NSUN7: variants seen among roughly 807,000 people sequenced by gnomAD.
NSUN7 encodes the protein NOP2/Sun RNA methyltransferase family member 7, also known as protein NSUN7.
In NSUN7, 39 loss-of-function variants were observed where a neutral mutation model predicts 58.5. The observed-to-expected ratio is 0.67, with a 90% CI of 0.52 to 0.87. NSUN7 has a LOEUF of 0.87. Ranked by LOEUF, NSUN7 falls within the 40% of genes least tolerant of loss-of-function variation. The pLI, the probability that NSUN7 is intolerant of heterozygous loss-of-function variation, is 0.00. For synonymous variants in NSUN7, 278 were observed against 303.7 expected, an observed-to-expected ratio of 0.92 and a Z score of 0.88; for missense variants, 765 against 844.1, an observed-to-expected ratio of 0.91 and a Z score of 1.16.
In NSUN7 at chr4:40,772,586, A is replaced by G. The variant is rs554643746; in HGVS notation, c.489-1679A>G. Reference sequence around the variant, plus strand: ...TACACATAATATTCCCACATAAACAATTTTTTTGGGTGAGATGTTCTCATT... The same window carrying G: ...TACACATAATATTCCCACATAAACAGTTTTTTTGGGTGAGATGTTCTCATT... On this transcript the variant is annotated intron_variant, in intron 4 of 11. Coordinates refer to ENST00000381782, the MANE Select transcript of NSUN7 (RefSeq NM_024677.6). Among the ~76,000 whole-genome samples the G allele has an allele frequency of 5.3e-5, 8 of 152,136 alleles. No homozygotes were observed. The South Asian group carries it at 1.2e-3, about 24-fold the overall frequency.
At chr4:40,768,644 C>T (rs1741850890) in intron 4 of NSUN7, among the ~76,000 whole-genome samples, 1 of 152,172 alleles carries the variant, frequency 6.6e-6, no homozygotes, top group African/African-American at 2.4e-5. Flanking sequence ...TAAGCACCAA[C>T]ATGTATCTTT....
Position 40,809,297 on chromosome 4 carries a change from T to G in NSUN7, c.*358T>G. 5.6e-6 allele frequency: 1 copy of G among 178,208 alleles called. No individual in the cohort carries two copies. Among genetic ancestry groups the G allele is most frequent in the Non-Finnish European group, 1.2e-5 (1 of 85,668 alleles). The allele number at this position is 178,208 out of a possible 1,614,324, so 11.0% of individuals were successfully genotyped here. On this transcript the variant is annotated 3_prime_UTR_variant, in exon 12 of 12. Coordinates refer to ENST00000381782, the MANE Select transcript of NSUN7 (RefSeq NM_024677.6). ...TGCCTCCCTTCAGCAGGTAGCTCAT[T>G]AGAAAGCCAAACAGGCAAACGATCC...
At chr4:40,777,893 C>T (rs1488672738) in intron 7 of NSUN7, among the ~76,000 whole-genome samples, 2 of 152,080 alleles carry the variant, frequency 1.3e-5, no homozygotes, top group Non-Finnish European at 2.9e-5. Context: ...TGCCACTGCA[C>T]CTGACTAAAA....
chr4:40,757,043 A>G (rs1265262838), intron 2 of NSUN7, among the ~76,000 whole-genome samples: 1 of 152,208 alleles, frequency 6.6e-6, no homozygotes, highest in African/African-American at 2.4e-5. Context: ...AGCCTGGCTA[A>G]TATGGTGAAA....
intron 10 of NSUN7, among the ~76,000 whole-genome samples, chr4:40,806,169 A>T (rs1217656065): frequency 1.3e-5 from 2 of 151,982 alleles, no homozygotes; most frequent in Non-Finnish European, 2.9e-5. Context: ...TAATTTTTGC[A>T]TTTTTAGCAG....
intron 2 of NSUN7, among the ~76,000 whole-genome samples, chr4:40,756,603 G>C (rs1741156223): frequency 6.6e-6 from 1 of 152,218 alleles, no homozygotes; most frequent in African/African-American, 2.4e-5. Flanking sequence ...TTTGGTGCCA[G>C]ACTGCCTGGG....
chr4:40,757,749 CAT>C (rs1433652874), intron 2 of NSUN7, among the ~76,000 whole-genome samples: 7 of 142,838 alleles, frequency 4.9e-5, no homozygotes, highest in South Asian at 2.2e-4. Context: ...CACACACACA[CAT>C]ACATACACAA....
At chr4:40,752,546 G>T (rs1740886345) in intron 2 of NSUN7, among the ~76,000 whole-genome samples, 1 of 152,096 alleles carries the variant, frequency 6.6e-6, no homozygotes. Flanking sequence ...TCAGCCTCCT[G>T]AGTAGCTGGG....
chr4:40,796,608 C>T (rs2154288952), intron 9 of NSUN7, among the ~76,000 whole-genome samples: 1 of 152,186 alleles, frequency 6.6e-6, no homozygotes, highest in East Asian at 1.9e-4. Flanking sequence ...CCAGCCTAGG[C>T]AACAGAGCAA....
At chr4:40,794,951 C>A (rs572754015) in intron 9 of NSUN7, among the ~76,000 whole-genome samples, 1 of 152,156 alleles carries the variant, frequency 6.6e-6, no homozygotes, top group African/African-American at 2.4e-5. Flanking sequence ...AGTAACAAGG[C>A]GGCACTTTGA....
At chr4:40,756,251 A>G (rs1741139415) in intron 2 of NSUN7, among the ~76,000 whole-genome samples, 1 of 152,178 alleles carries the variant, frequency 6.6e-6, no homozygotes, top group Non-Finnish European at 1.5e-5. Context: ...CCTTCTTCCA[A>G]TTTCACCTGT....
In NSUN7 at chr4:40,763,169, G is replaced by A. The variant is rs553225081; in HGVS notation, c.488+1868G>A. Among the ~76,000 whole-genome samples the A allele has an allele frequency of 2.0e-5, 3 of 152,306 alleles. No individual in the cohort carries two copies. The East Asian group carries it at 5.8e-4, about 29-fold the overall frequency. ...GCTAGCATTCCTTCCACTTAGCATA[G>A]TGAGGCTTGGCTGAGGTACTCTGGA... On this transcript the variant is annotated intron_variant, in intron 4 of 11. Coordinates refer to ENST00000381782, the MANE Select transcript of NSUN7 (RefSeq NM_024677.6).
At chr4:40,761,132 G>A (rs1176182125) in intron 3 of NSUN7, 39 bp from the exon 4 acceptor site, 2 of 1,488,178 alleles carry the variant, frequency 1.3e-6, no homozygotes, top group Middle Eastern at 1.9e-4. Flanking sequence ...GTTAGATATT[G>A]TTTGTATACT....
intron 7 of NSUN7, among the ~76,000 whole-genome samples, chr4:40,782,684 C>G (rs1412313072): frequency 6.6e-6 from 1 of 151,788 alleles, no homozygotes; most frequent in African/African-American, 2.4e-5. Context: ...AATCTGGCAA[C>G]GTAGCAAGAT....
chr4:40,803,083 A>T (rs991408906), intron 10 of NSUN7, among the ~76,000 whole-genome samples: 15 of 151,416 alleles, frequency 9.9e-5, no homozygotes, highest in Admixed American at 7.9e-4. Flanking sequence ...GATGATTTCC[A>T]ATTTCATCCA....
In NSUN7 at chr4:40,808,675, G is replaced by A. The variant is rs1161375150; in HGVS notation, c.1893G>A (p.Gln631=). 1 of 1,551,724 alleles carries A rather than the reference G, an allele frequency of 6.4e-7. No individual in the cohort carries two copies. The highest frequency in any genetic ancestry group is 8.7e-7 in the Non-Finnish European group (1 of 1,147,044). ...GTCCCTCCAGACCGCGTGAACGGCA[G>A]ACACACTTCTTAAGACCTCGGCCAG... The part of the protein sequence containing the change: ...NTCPSRPRER[Q]THFLRPRPED... The change falls in exon 12 of 12, where the codon CAG becomes CAA. Residue 631 remains glutamine, a synonymous_variant. Transcript: ENST00000381782.
At chr4:40,760,531 T>G (rs749205709) in intron 3 of NSUN7, 39 bp downstream of exon 3, 8 of 1,490,438 alleles carry the variant, frequency 5.4e-6, no homozygotes, top group South Asian at 4.8e-5. Context: ...GTTTCATGAT[T>G]TTTTTTAAAA....
chr4:40,769,673 T>C (rs7699447), intron 4 of NSUN7, among the ~76,000 whole-genome samples: 27,720 of 152,158 alleles, frequency 0.18, 3,042 homozygotes, highest in East Asian at 0.35. Context: ...TTTGCTCAGA[T>C]ATATTCTTTT....
At chr4:40,794,265 T>C in intron 8 of NSUN7, 110 bp from the exon 9 acceptor site, 1 of 505,880 alleles carries the variant, frequency 2.0e-6, no homozygotes. Context: ...ATATTTTCCA[T>C]GAAACACTTT....
Sources: gnomAD v4.1 joint callset for allele counts (sites outside exome capture counted in the v4.1 genomes callset) on GRCh38, gnomAD v4.1.1 for gene constraint, MANE v1.5 for transcripts, NCBI Gene and HGNC (gene_info 2026-07-23, HGNC 2026-07-21) for gene names.